The following NKAIN2 variants were observed in gnomAD, a reference collection of about 807,000 sequenced individuals.
NKAIN2 encodes sodium/potassium transporting ATPase interacting 2, also known as sodium/potassium-transporting ATPase subunit beta-1-interacting protein 2.
NKAIN2 carries 14 observed loss-of-function variants against 32.6 expected under a neutral mutation model. The observed-to-expected ratio is 0.43, with a 90% CI of 0.28 to 0.67. NKAIN2 has a LOEUF of 0.67. Ranked by LOEUF, NKAIN2 falls within the 30% of genes least tolerant of loss-of-function variation. The pLI, the probability that NKAIN2 is intolerant of heterozygous loss-of-function variation, is 0.17. For missense variants in NKAIN2, 198 were observed against 258.3 expected, an observed-to-expected ratio of 0.77 and a Z score of 1.60; for synonymous variants, 80 against 87.2, an observed-to-expected ratio of 0.92 and a Z score of 0.46.
intron 1 of NKAIN2, among the ~76,000 whole-genome samples, chr6:123,885,248 G>C (rs1773658467): frequency 6.6e-6 from 1 of 151,998 alleles, no homozygotes; most frequent in Non-Finnish European, 1.5e-5. Context: ...TTTTAATTAG[G>C]CTGCAAGGAC....
chr6:123,821,390 C>A (rs919656781), intron 1 of NKAIN2, among the ~76,000 whole-genome samples: 3 of 152,162 alleles, frequency 2.0e-5, no homozygotes, highest in Non-Finnish European at 2.9e-5. Context: ...TAAGATGCTG[C>A]TCAAATGGAC....
rs60381781 is a variant in NKAIN2 at position 124,822,787 on chromosome 6, T to TA, written c.618-421dup. Among the ~76,000 whole-genome samples, 191 of 147,438 alleles carry TA rather than the reference T, an allele frequency of 1.3e-3. 1 individual carries two copies. The highest frequency in any genetic ancestry group is 3.5e-3 in the Middle Eastern group (1 of 286). On this transcript the variant is annotated intron_variant, in intron 6 of 6. Coordinates refer to ENST00000368417, the MANE Select transcript of NKAIN2 (RefSeq NM_001040214.3). ...CCCGGCAACAGAGCTAGACTTTGTC[T>TA]AAAAAAAAAAAATCCCGTGTCTACA...
intron 5 of NKAIN2, among the ~76,000 whole-genome samples, chr6:124,803,025 T>C (rs1780337920): frequency 6.6e-6 from 1 of 152,194 alleles, no homozygotes; most frequent in African/African-American, 2.4e-5. Context: ...TGCTCATTGC[T>C]GGAGAAAGTA....
At chr6:124,807,760 G>A (rs1315495108) in intron 5 of NKAIN2, among the ~76,000 whole-genome samples, 1 of 151,682 alleles carries the variant, frequency 6.6e-6, no homozygotes, top group Non-Finnish European at 1.5e-5. Flanking sequence ...GAAAAAAAGA[G>A]AGAAGAATCA....
intron 3 of NKAIN2, among the ~76,000 whole-genome samples, chr6:124,433,919 C>G (rs1246896064): frequency 6.6e-6 from 1 of 152,156 alleles, no homozygotes; most frequent in Non-Finnish European, 1.5e-5. Flanking sequence ...GTATATTCCT[C>G]TTGGCAGTCT....
intron 3 of NKAIN2, among the ~76,000 whole-genome samples, chr6:124,393,994 CTTATTGAGT>C (rs571256450): frequency 1.3e-5 from 2 of 152,220 alleles, no homozygotes; most frequent in East Asian, 3.9e-4. Flanking sequence ...GAATCCCAGA[CTTATTGAGT>C]TTAAAGTCTA....
At chr6:124,191,150 A>G (rs543394247) in intron 1 of NKAIN2, among the ~76,000 whole-genome samples, 1 of 152,324 alleles carries the variant, frequency 6.6e-6, no homozygotes, top group South Asian at 2.1e-4. Context: ...GCCCTGAGTG[A>G]ATCAGCTTGC....
chr6:123,956,965 G>T (rs1164980501), intron 1 of NKAIN2, among the ~76,000 whole-genome samples: 2 of 152,116 alleles, frequency 1.3e-5, no homozygotes, highest in Non-Finnish European at 2.9e-5. Flanking sequence ...GGGCAGATTT[G>T]TTATAAAGGT....
At chr6:124,537,417 C>G (rs973646837) in intron 3 of NKAIN2, among the ~76,000 whole-genome samples, 1 of 152,162 alleles carries the variant, frequency 6.6e-6, no homozygotes, top group Admixed American at 6.5e-5. Flanking sequence ...AGTTATAGCA[C>G]CACAAGTTGT....
At chr6:124,495,588 C>T (rs1778033212) in intron 3 of NKAIN2, among the ~76,000 whole-genome samples, 1 of 152,144 alleles carries the variant, frequency 6.6e-6, no homozygotes, top group South Asian at 2.1e-4. Flanking sequence ...ACTGACCACA[C>T]TTTGAGGAGC....
At chr6:124,567,000 C>T (rs530909780) in intron 3 of NKAIN2, among the ~76,000 whole-genome samples, 58 of 152,272 alleles carry the variant, frequency 3.8e-4, no homozygotes, top group African/African-American at 1.3e-3. Context: ...CGATGTAAAC[C>T]GCGCTTATTC....
At chr6:124,683,940 C>A (rs929698795) in intron 4 of NKAIN2, among the ~76,000 whole-genome samples, 1 of 152,166 alleles carries the variant, frequency 6.6e-6, no homozygotes. Flanking sequence ...TAAAGGAGAA[C>A]AGGTTCTTTA....
intron 1 of NKAIN2, among the ~76,000 whole-genome samples, chr6:124,157,817 T>C (rs548411379): frequency 6.6e-6 from 1 of 152,348 alleles, no homozygotes; most frequent in South Asian, 2.1e-4. Context: ...TTGTTTCTTT[T>C]TTTAAAGCTA....
chr6:124,656,579 C>G (rs1446640346), intron 3 of NKAIN2, among the ~76,000 whole-genome samples: 1 of 151,998 alleles, frequency 6.6e-6, no homozygotes, highest in Non-Finnish European at 1.5e-5. Flanking sequence ...TTCAGAGACC[C>G]TGCATTGCAT....
intron 4 of NKAIN2, among the ~76,000 whole-genome samples, chr6:124,744,470 T>A (rs1777365773): frequency 6.6e-6 from 1 of 151,856 alleles, no homozygotes; most frequent in Non-Finnish European, 1.5e-5. Flanking sequence ...CTCCTCTGCT[T>A]ATCTGTTAAA....
At chr6:124,475,269 T>A (rs62437485) in intron 3 of NKAIN2, among the ~76,000 whole-genome samples, 6,868 of 152,258 alleles carry the variant, frequency 0.045, 262 homozygotes, top group Non-Finnish European at 0.065. Flanking sequence ...TTATGAGTCA[T>A]TTTTAGGACC....
At chr6:124,447,160 G>C (rs149160688) in intron 3 of NKAIN2, among the ~76,000 whole-genome samples, 1 of 151,824 alleles carries the variant, frequency 6.6e-6, no homozygotes, top group African/African-American at 2.4e-5. Flanking sequence ...CATGTTTGAC[G>C]TATTTCCTTT....
At chr6:124,573,694 C>G (rs1228465471) in intron 3 of NKAIN2, among the ~76,000 whole-genome samples, 1 of 151,994 alleles carries the variant, frequency 6.6e-6, no homozygotes, top group East Asian at 1.9e-4. Flanking sequence ...AAGCTGAAGC[C>G]AGGCATAATA....
At chr6:124,308,159 A>G (rs1796583266) in intron 2 of NKAIN2, among the ~76,000 whole-genome samples, 1 of 143,378 alleles carries the variant, frequency 7.0e-6, no homozygotes, top group Admixed American at 7.0e-5. Context: ...ACCCCGCAGC[A>G]GGCCCCAGTG....
Sources: allele counts gnomAD v4.1 joint callset (sites outside exome capture counted in the v4.1 genomes callset), GRCh38; gene constraint gnomAD v4.1.1; transcripts MANE v1.5; gene names NCBI Gene and HGNC (gene_info 2026-07-23, HGNC 2026-07-21).